The following LRCOL1 variants were observed in gnomAD, a reference collection of about 807,000 sequenced individuals.
LRCOL1 encodes leucine rich colipase like 1, also known as leucine-rich colipase-like protein 1.
Under a neutral mutation model 21.6 loss-of-function variants are expected in LRCOL1, and 21 were observed. That is an observed-to-expected ratio of 0.97 (90% CI 0.69 to 1.40). The LOEUF (loss-of-function observed/expected upper bound fraction) is 1.40, where lower values mean the gene tolerates loss of function less well. Among genes scored for constraint, LRCOL1 ranks in the 40% most tolerant of loss-of-function variants. The pLI, the probability that LRCOL1 is intolerant of heterozygous loss-of-function variation, is 0.00. For synonymous variants in LRCOL1, 98 were observed against 90.1 expected (o/e 1.09, Z -0.49); for missense variants, 198 against 202.3 (o/e 0.98, Z 0.13).
At chr12:132,609,672 G>A (rs575095454) in intron 1 of LRCOL1, among the ~76,000 whole-genome samples, 3 of 152,254 alleles carry the variant, frequency 2.0e-5, no homozygotes, top group African/African-American at 7.2e-5. Flanking sequence ...ATTCCAGCCT[G>A]GGCAACAGAG....
At chr12:132,603,697 AC>A in intron 5 of LRCOL1, 1 of 985,278 alleles carries the variant, frequency 1.0e-6, no homozygotes, top group Non-Finnish European at 1.2e-6. Context: ...CGACCCTTTC[AC>A]CCCAGACGGG....
intron 2 of LRCOL1, chr12:132,605,824 A>G: frequency 5.5e-6 from 2 of 361,036 alleles, no homozygotes; most frequent in Non-Finnish European, 5.0e-6. Context: ...AGAAGTGCAC[A>G]CTGGTGCAGC....
At chr12:132,605,083 G>A in intron 2 of LRCOL1, 1 of 1,317,858 alleles carries the variant, frequency 7.6e-7, no homozygotes, top group Non-Finnish European at 9.7e-7. Context: ...TGAGGGCAAG[G>A]ATGCAGCAGC....
Position 132,606,067 on chromosome 12 carries a change from C to T in LRCOL1, c.105+80G>A, listed in dbSNP as rs2041304768. The stretch of plus-strand genomic sequence containing the variant: ...TGGCAGCCCTCGCGGGTGGGGACTG[C>T]AAGGGCCTCAGGGGCGCCCGGCACC... On this transcript the variant is annotated intron_variant, in intron 2 of 5. Coordinates refer to ENST00000376608, the MANE Select transcript of LRCOL1 (RefSeq NM_001195520.2). This position sits in a 1 kb window ranked among gnomAD's most constrained non-coding sequence, Gnocchi z 4.6. 5 of 1,391,384 alleles carry T rather than the reference C, an allele frequency of 3.6e-6. No individual in the cohort carries two copies. In the Admixed American group the frequency reaches 1.0e-4, roughly 29 times the overall value. 86.2% of individuals were successfully genotyped at this position (1,391,384 alleles called of 1,614,324 possible).
At position 132,603,253 on chromosome 12, in the gene LRCOL1, C is replaced by G. The variant is rs576134019; in HGVS notation, c.*149G>C. 23 of 1,258,142 alleles carry G rather than the reference C, an allele frequency of 1.8e-5. No individual in the cohort carries two copies. The South Asian group carries it at 2.9e-4, about 16-fold the overall frequency. The allele number at this position is 1,258,142 out of a possible 1,614,324, so 77.9% of individuals were successfully genotyped here. ...TTCGCGCCACCAGGCTGGTCACAGC[C>G]TTTCAGTTCCCACAGATTTTCAGAG... is the stretch of plus-strand genomic sequence containing the variant. On this transcript the variant is annotated 3_prime_UTR_variant, in exon 6 of 6. Transcript: ENST00000376608.
intron 5 of LRCOL1, 174 bp downstream of exon 5, chr12:132,604,080 G>C (rs937535298): frequency 5.6e-6 from 8 of 1,423,906 alleles, no homozygotes; most frequent in Middle Eastern, 2.6e-4. Flanking sequence ...CTTCTCTGCG[G>C]CCCCCACCTT....
In LRCOL1 at chr12:132,603,383, G is replaced by T. The variant is rs769294826; in HGVS notation, c.*19C>A. The T allele has an allele frequency of 6.5e-7, 1 of 1,536,060 alleles. No homozygotes were observed. Among genetic ancestry groups the T allele is most frequent in the Non-Finnish European group, 8.7e-7 (1 of 1,146,912 alleles). On this transcript the variant is annotated 3_prime_UTR_variant, in exon 6 of 6. Coordinates refer to ENST00000376608, the MANE Select transcript of LRCOL1 (RefSeq NM_001195520.2). ...CCCAGGGCCCAGGCCGGTCCCTCGC[G>T]CCCAGGTTCGAGCTCACATCACTGA... is the stretch of plus-strand genomic sequence containing the variant.
chr12:132,608,121 C>T (rs1309529176), intron 1 of LRCOL1, among the ~76,000 whole-genome samples: 2 of 152,220 alleles, frequency 1.3e-5, no homozygotes, highest in Non-Finnish European at 2.9e-5. Flanking sequence ...GAGCTCTGGC[C>T]ACAACCTATA....
intron 1 of LRCOL1, among the ~76,000 whole-genome samples, chr12:132,608,299 A>C (rs916726659): frequency 1.3e-5 from 2 of 151,926 alleles, no homozygotes; most frequent in Non-Finnish European, 1.5e-5. Context: ...CCCCGCACCC[A>C]CACCTCTGCC....
chr12:132,603,821 AC>A, intron 5 of LRCOL1: 2 of 985,412 alleles, frequency 2.0e-6, no homozygotes, highest in Non-Finnish European at 2.4e-6. Flanking sequence ...TGCACCGAGC[AC>A]GGCTTGTCCC....
chr12:132,603,605 G>A, intron 5 of LRCOL1: 1 of 984,452 alleles, frequency 1.0e-6, no homozygotes. Flanking sequence ...GCTGCTCCCA[G>A]CGCCCACGAG....
chr12:132,603,401 A>G lies in LRCOL1; in HGVS notation c.*1T>C. 2 of 1,536,188 alleles carry G rather than the reference A, an allele frequency of 1.3e-6. No homozygotes were observed. Among genetic ancestry groups the G allele is most frequent in the Non-Finnish European group, 8.7e-7 (1 of 1,146,898 alleles). ...CCCTCGCGCCCAGGTTCGAGCTCAC[A>G]TCACTGAAGGAGAAGCCAAAGCTGA... On this transcript the variant is annotated 3_prime_UTR_variant, in exon 6 of 6. Coordinates refer to ENST00000376608, the MANE Select transcript of LRCOL1 (RefSeq NM_001195520.2).
rs114874968 is a variant in LRCOL1 at position 132,603,828 on chromosome 12, G to A, written c.478-424C>T. 2.6e-3 allele frequency: 2,524 copies of A among 985,426 alleles called. 46 individuals are homozygous for A. The African/African-American group carries it at 0.041, about 16-fold the overall frequency. The allele number at this position is 985,426 out of a possible 1,614,324, so 61.0% of individuals were successfully genotyped here. On this transcript the variant is annotated intron_variant, in intron 5 of 5. Coordinates refer to ENST00000376608, the MANE Select transcript of LRCOL1 (RefSeq NM_001195520.2). ...CGGGAGCCTGCACCGAGCACGGCTTGTCCCATGGATTTCCCGTCAGGAAAA... is the reference window on the plus strand; with the variant it reads ...CGGGAGCCTGCACCGAGCACGGCTTATCCCATGGATTTCCCGTCAGGAAAA...
chr12:132,608,630 A>C (rs1566280775), intron 1 of LRCOL1, among the ~76,000 whole-genome samples: 1 of 152,196 alleles, frequency 6.6e-6, no homozygotes, highest in Non-Finnish European at 1.5e-5. Flanking sequence ...GCAGTGGCAC[A>C]ATCGCAGCTC....
At chr12:132,603,462 G>C in intron 5 of LRCOL1, 58 bp from the exon 6 acceptor site, 2 of 1,535,914 alleles carry the variant, frequency 1.3e-6, no homozygotes, top group Non-Finnish European at 1.7e-6. Flanking sequence ...AAGCGGCCGC[G>C]GAAGGAGGAC....
chr12:132,605,026 A>G, intron 2 of LRCOL1, 195 bp from the exon 3 acceptor site: 1 of 1,417,414 alleles, frequency 7.1e-7, no homozygotes, highest in South Asian at 1.5e-5. Flanking sequence ...GGGCTGAGAA[A>G]GGGAATGTCT....
In LRCOL1 at chr12:132,603,458, C is replaced by T. The variant is rs1467128129; in HGVS notation, c.478-54G>A. The T allele has an allele frequency of 7.8e-6, 12 of 1,535,868 alleles. No individual in the cohort carries two copies. The Admixed American group carries it at 1.4e-4, about 18-fold the overall frequency. ...GTGCAGGGGACGGGCCTCGAAGCGG[C>T]CGCGGAAGGAGGACGGGAACCCGGG... On this transcript the variant is annotated intron_variant, in intron 5 of 5. Coordinates refer to ENST00000376608, the MANE Select transcript of LRCOL1 (RefSeq NM_001195520.2).
At chr12:132,607,843 GTC>G (rs1411923990) in intron 1 of LRCOL1, among the ~76,000 whole-genome samples, 2 of 118,568 alleles carry the variant, frequency 1.7e-5, no homozygotes, top group African/African-American at 7.0e-5. Context: ...GTCTCTTTCT[GTC>G]TCTGTCTCTC....
chr12:132,603,200 A>C lies in LRCOL1; in HGVS notation c.*202T>G. On this transcript the variant is annotated 3_prime_UTR_variant, in exon 6 of 6. Coordinates refer to ENST00000376608, the MANE Select transcript of LRCOL1 (RefSeq NM_001195520.2). ...ATGTTTAACAATCAGGCTACACCCC[A>C]GTGCCTGGGATTTGTTCTCACAGAC... 3 of 697,740 alleles carry C rather than the reference A, an allele frequency of 4.3e-6. No homozygotes were observed. The highest frequency in any genetic ancestry group is 7.0e-6 in the Non-Finnish European group (3 of 428,458). 43.2% of individuals were successfully genotyped at this position (697,740 alleles called of 1,614,324 possible).
Sources: allele counts gnomAD v4.1 joint callset (sites outside exome capture counted in the v4.1 genomes callset), GRCh38; gene constraint gnomAD v4.1.1; non-coding constraint Gnocchi (gnomAD v3.1); transcripts MANE v1.5; gene names NCBI Gene and HGNC (gene_info 2026-07-23, HGNC 2026-07-21).